Variants in GRIA1 observed in about 807,000 individuals in gnomAD.
GRIA1 encodes the protein glutamate ionotropic receptor AMPA type subunit 1, also known as glutamate receptor 1.
In GRIA1, 31 loss-of-function variants were observed where a neutral mutation model predicts 99.2. The ratio of observed to expected loss-of-function variants is 0.31; its 90% CI spans 0.23 to 0.42. The LOEUF is 0.42. Ranked by LOEUF, GRIA1 falls within the 10% of genes least tolerant of loss-of-function variation. The probability of loss-of-function intolerance (pLI) is 1.00; values close to 1 mark genes in which losing one functional copy is unlikely to be tolerated. For synonymous variants in GRIA1, 438 were observed against 432.4 expected (o/e 1.01, Z -0.16); for missense variants, 782 against 1,157.5 (o/e 0.68, Z 4.71).
chr5:153,793,501 CT>C (rs966660457), intron 13 of GRIA1, among the ~76,000 whole-genome samples: 1 of 152,162 alleles, frequency 6.6e-6, no homozygotes, highest in Non-Finnish European at 1.5e-5. Flanking sequence ...ATGTTATGTC[CT>C]GAAAGATGGT....
At chr5:153,688,784 G>A (rs970390973) in intron 8 of GRIA1, among the ~76,000 whole-genome samples, 102 of 151,606 alleles carry the variant, frequency 6.7e-4, no homozygotes, top group African/African-American at 2.3e-3. Flanking sequence ...CAATGGCATG[G>A]TCTCGGCTCA....
In GRIA1 at chr5:153,655,944, C is replaced by A. The variant is rs1581412565; in HGVS notation, c.699+72C>A. ...GGGGCCCTACCTTGCTTCTGTTGTC[C>A]CTGGCTGATGTGAACTGAGTAGGTG... On this transcript the variant is annotated intron_variant, in intron 5 of 15. Coordinates refer to ENST00000285900, the MANE Select transcript of GRIA1 (RefSeq NM_000827.4). 3.0e-6 allele frequency: 4 copies of A among 1,331,152 alleles called. No homozygotes were observed. The East Asian group carries it at 9.2e-5, about 31-fold the overall frequency. The allele number at this position is 1,331,152 out of a possible 1,614,324, so 82.5% of individuals were successfully genotyped here.
Position 153,500,655 on chromosome 5 carries a change from A to C in GRIA1, c.220+6590A>C, listed in dbSNP as rs1241785005. ...CACACACACACACACACACACACAC[A>C]TTCAGAGGAAGGAAGGAAAACCTTT... On this transcript the variant is annotated intron_variant, in intron 2 of 15. Transcript: ENST00000285900. 3.1e-5 allele frequency among the ~76,000 whole-genome samples: 4 copies of C among 129,996 alleles called. No homozygotes were observed. In the East Asian group the frequency reaches 9.1e-4, roughly 30 times the overall value. The allele number at this position is 129,996 out of a possible 152,430, so 85.3% of individuals were successfully genotyped here. A position where few individuals can be genotyped will look rare whatever the true frequency, so the allele number is the denominator to read the frequency against.
At chr5:153,725,005 G>A (rs9687836) in intron 11 of GRIA1, among the ~76,000 whole-genome samples, 79,497 of 151,900 alleles carry the variant, frequency 0.52, 21,720 homozygotes, top group East Asian at 0.94. Flanking sequence ...GAGAAAGGTC[G>A]GCTTACCCAC....
At chr5:153,772,735 C>T (rs1443438267) in intron 13 of GRIA1, among the ~76,000 whole-genome samples, 4 of 152,074 alleles carry the variant, frequency 2.6e-5, no homozygotes, top group South Asian at 2.1e-4. Context: ...TGTTTGGCAA[C>T]GAAGAGGCTT....
At chr5:153,642,281 C>T (rs1268596002) in intron 2 of GRIA1, among the ~76,000 whole-genome samples, 1 of 152,160 alleles carries the variant, frequency 6.6e-6, no homozygotes, top group Admixed American at 6.5e-5. Context: ...TAGAGGTCAT[C>T]TCTCAACTTG....
chr5:153,553,985 C>A (rs1581220811), intron 2 of GRIA1, among the ~76,000 whole-genome samples: 1 of 152,072 alleles, frequency 6.6e-6, no homozygotes, highest in Non-Finnish European at 1.5e-5. Context: ...AGGTCCTTAC[C>A]CTCCCCCTTC....
chr5:153,724,776 G>GTACC (rs1760377795), intron 11 of GRIA1, among the ~76,000 whole-genome samples: 1 of 152,108 alleles, frequency 6.6e-6, no homozygotes, highest in Admixed American at 6.5e-5. Context: ...TCTGATTGGT[G>GTACC]TACCTGAAAG....
chr5:153,721,515 T>C (rs1281161437), intron 11 of GRIA1, among the ~76,000 whole-genome samples: 1 of 152,212 alleles, frequency 6.6e-6, no homozygotes. Flanking sequence ...TTTGTCTCCT[T>C]CACACTTCTC....
intron 11 of GRIA1, among the ~76,000 whole-genome samples, chr5:153,718,627 A>T (rs1223851667): frequency 6.6e-6 from 1 of 152,220 alleles, no homozygotes; most frequent in East Asian, 1.9e-4. Flanking sequence ...GAGCAAACAG[A>T]GACCTAGTAC....
At chr5:153,660,567 G>A (rs1755294074) in intron 5 of GRIA1, among the ~76,000 whole-genome samples, 1 of 152,172 alleles carries the variant, frequency 6.6e-6, no homozygotes, top group Admixed American at 6.5e-5. Context: ...TCCTGGACAA[G>A]ACAGCTTGAG....
intron 3 of GRIA1, among the ~76,000 whole-genome samples, chr5:153,649,680 T>G (rs1022471596): frequency 2.0e-5 from 3 of 152,132 alleles, no homozygotes; most frequent in African/African-American, 7.2e-5. Context: ...CAGGCTGGTC[T>G]CAAACTCCTG....
intron 2 of GRIA1, among the ~76,000 whole-genome samples, chr5:153,550,485 C>T (rs1416181077): frequency 6.6e-6 from 1 of 151,980 alleles, no homozygotes; most frequent in Admixed American, 6.6e-5. Flanking sequence ...GCTTGAATGG[C>T]ACAACTGGTT....
intron 4 of GRIA1, among the ~76,000 whole-genome samples, chr5:153,651,408 C>A (rs1754565834): frequency 6.6e-6 from 1 of 150,734 alleles, no homozygotes; most frequent in South Asian, 2.1e-4. Context: ...CCCCTGGTCT[C>A]AAAACAAAAG....
At chr5:153,618,929 G>A (rs1303023907) in intron 2 of GRIA1, among the ~76,000 whole-genome samples, 1 of 152,128 alleles carries the variant, frequency 6.6e-6, no homozygotes, top group East Asian at 1.9e-4. Context: ...TTCTTTAGCT[G>A]CTTACAAGAG....
chr5:153,519,504 T>C (rs954446699), intron 2 of GRIA1, among the ~76,000 whole-genome samples: 1 of 151,690 alleles, frequency 6.6e-6, no homozygotes, highest in African/African-American at 2.4e-5. Context: ...ACGCTGTGAG[T>C]GTAGATTGCT....
intron 2 of GRIA1, among the ~76,000 whole-genome samples, chr5:153,566,320 T>TTTTTTTC: frequency 7.1e-6 from 1 of 141,026 alleles, no homozygotes; most frequent in Non-Finnish European, 1.5e-5. Flanking sequence ...TTTTTTTTTT[T>TTTTTTTC]CCAGAGACAG....
intron 2 of GRIA1, among the ~76,000 whole-genome samples, chr5:153,570,340 G>A (rs1762006602): frequency 1.3e-5 from 2 of 152,188 alleles, no homozygotes; most frequent in South Asian, 4.1e-4. Context: ...ACAGGCTCAT[G>A]TATGTCCTAC....
intron 2 of GRIA1, among the ~76,000 whole-genome samples, chr5:153,634,888 G>A (rs981160663): frequency 6.6e-6 from 1 of 152,218 alleles, no homozygotes; most frequent in Non-Finnish European, 1.5e-5. Flanking sequence ...GTGGGACTTA[G>A]TTTCTGGTGT....
Sources: allele counts gnomAD v4.1 joint callset (sites outside exome capture counted in the v4.1 genomes callset), GRCh38; gene constraint gnomAD v4.1.1; transcripts MANE v1.5; gene names NCBI Gene and HGNC (gene_info 2026-07-23, HGNC 2026-07-21).